The following ULK4 variants were observed in gnomAD, a reference collection of about 807,000 sequenced individuals.
ULK4 encodes unc-51 like kinase 4.
Under a neutral mutation model 160.6 loss-of-function variants are expected in ULK4, and 133 were observed. The ratio of observed to expected loss-of-function variants is 0.83; its 90% CI spans 0.72 to 0.96. The LOEUF (loss-of-function observed/expected upper bound fraction) is 0.96, where lower values mean the gene tolerates loss of function less well. Ranked by LOEUF, ULK4 falls within the 40% of genes least tolerant of loss-of-function variation. The probability of loss-of-function intolerance (pLI) is 0.00; values close to 1 mark genes in which losing one functional copy is unlikely to be tolerated. For synonymous variants in ULK4, 534 were observed against 539.8 expected, an observed-to-expected ratio of 0.99 and a Z score of 0.15; for missense variants, 1,580 against 1,499.5, an observed-to-expected ratio of 1.05 and a Z score of -0.89.
chr3:41,719,988 C>T (rs1314760902), intron 22 of ULK4, among the ~76,000 whole-genome samples: 1 of 152,134 alleles, frequency 6.6e-6, no homozygotes, highest in Non-Finnish European at 1.5e-5. Context: ...GCCTAGATGG[C>T]CCTTCTCTTC....
intron 35 of ULK4, among the ~76,000 whole-genome samples, chr3:41,344,755 A>C (rs2125754595): frequency 6.8e-6 from 1 of 147,532 alleles, no homozygotes; most frequent in Non-Finnish European, 1.5e-5. Flanking sequence ...TCTGTCTCAA[A>C]AAAAAAAAAA....
At position 41,883,917 on chromosome 3, in the gene ULK4, G is replaced by C; in HGVS notation, c.1613C>G (p.Ala538Gly). Reference protein sequence around the residue: ...AKVAHVIGLLASHTAELQENT... With the variant: ...AKVAHVIGLLGSHTAELQENT... The stretch of plus-strand genomic sequence containing the variant: ...TTCCTGGAGCTCAGCTGTGTGCGAA[G>C]CCAGTAAACCAATTACGTGAGCAAC... The change falls in exon 17 of 37, where the codon GCT becomes GGT. Residue 538 changes from alanine (A) to glycine (G), a missense_variant. By Grantham distance (60) the Ala-to-Gly change is moderately conservative. Transcript: ENST00000301831. The C allele has an allele frequency of 1.2e-6, 2 of 1,610,738 alleles. No homozygotes were observed. The highest frequency in any genetic ancestry group is 1.1e-5 in the South Asian group (1 of 90,980).
intron 31 of ULK4, among the ~76,000 whole-genome samples, chr3:41,599,181 G>C (rs1318465392): frequency 2.0e-5 from 3 of 152,290 alleles, no homozygotes; most frequent in Admixed American, 2.0e-4. Context: ...GTTTAGGTCA[G>C]CTGATTAGGA....
At chr3:41,768,817 T>C (rs904330708) in intron 21 of ULK4, among the ~76,000 whole-genome samples, 2 of 151,998 alleles carry the variant, frequency 1.3e-5, no homozygotes, top group African/African-American at 4.8e-5. Flanking sequence ...CACAAAAAAG[T>C]TTCACACAGC....
intron 34 of ULK4, among the ~76,000 whole-genome samples, chr3:41,410,934 G>A (rs1453069243): frequency 1.4e-5 from 2 of 147,128 alleles, no homozygotes; most frequent in Non-Finnish European, 3.0e-5. Context: ...CCATATTCCA[G>A]TATAACTTCA....
intron 35 of ULK4, among the ~76,000 whole-genome samples, chr3:41,294,370 A>G (rs890627273): frequency 1.3e-5 from 2 of 152,276 alleles, no homozygotes; most frequent in Non-Finnish European, 2.9e-5. Context: ...CCCACTCTAT[A>G]CAACTATGAT....
At chr3:41,630,217 A>G (rs2033687698) in intron 30 of ULK4, among the ~76,000 whole-genome samples, 1 of 152,228 alleles carries the variant, frequency 6.6e-6, no homozygotes, top group Non-Finnish European at 1.5e-5. Flanking sequence ...TAACCATATC[A>G]GGATACCACA....
intron 32 of ULK4, among the ~76,000 whole-genome samples, chr3:41,506,767 A>AAAAAAAAAAAAAAAAATATATAAATAT: frequency 3.5e-5 from 2 of 56,760 alleles, no homozygotes; most frequent in Non-Finnish European, 3.1e-5. Context: ...TGTGATTTAA[A>AAAAAAAAAAAAAAAAATATATAAATAT]ATATATATAT....
At chr3:41,717,932 C>T in intron 22 of ULK4, 71 bp from the exon 23 acceptor site, 2 of 1,535,200 alleles carry the variant, frequency 1.3e-6, no homozygotes, top group Non-Finnish European at 1.8e-6. Flanking sequence ...AAAAATGCCG[C>T]CAAGGCAAGT....
chr3:41,377,111 A>C (rs1336587870), intron 35 of ULK4, among the ~76,000 whole-genome samples: 1 of 152,206 alleles, frequency 6.6e-6, no homozygotes, highest in Non-Finnish European at 1.5e-5. Flanking sequence ...CCTGACAAAA[A>C]CAAGAAATTG....
chr3:41,489,308 T>A (rs1259017414), intron 32 of ULK4, among the ~76,000 whole-genome samples: 1 of 152,194 alleles, frequency 6.6e-6, no homozygotes, highest in Non-Finnish European at 1.5e-5. Flanking sequence ...CTGGCTTATT[T>A]CTCACTGCCC....
intron 22 of ULK4, among the ~76,000 whole-genome samples, chr3:41,728,281 C>G (rs2037716235): frequency 6.6e-6 from 1 of 152,140 alleles, no homozygotes; most frequent in East Asian, 1.9e-4. Flanking sequence ...ATTCTGATTT[C>G]TGTAGAAGTT....
At chr3:41,899,380 G>C (rs147499920) in intron 13 of ULK4, 1 of 152,136 alleles carries the variant, frequency 6.6e-6, no homozygotes, top group Non-Finnish European at 1.5e-5. Flanking sequence ...TTTTCTCTAA[G>C]ACTAAAAGTA....
chr3:41,770,843 A>G (rs926453147), intron 21 of ULK4, among the ~76,000 whole-genome samples: 1 of 152,168 alleles, frequency 6.6e-6, no homozygotes, highest in Admixed American at 6.5e-5. Context: ...ATAAGTAAAT[A>G]GGGTAAAGGA....
chr3:41,807,008 G>T (rs982233294), intron 19 of ULK4, among the ~76,000 whole-genome samples: 1 of 151,936 alleles, frequency 6.6e-6, no homozygotes, highest in African/African-American at 2.4e-5. Flanking sequence ...CACGCCTATA[G>T]TCCCTGCTAC....
intron 21 of ULK4, among the ~76,000 whole-genome samples, chr3:41,768,110 C>T (rs2039228368): frequency 1.3e-5 from 2 of 152,250 alleles, no homozygotes; most frequent in South Asian, 4.1e-4. Flanking sequence ...AGGTTGCACA[C>T]TCCTTATGAG....
chr3:41,563,244 C>A (rs1008590984), intron 32 of ULK4, among the ~76,000 whole-genome samples: 5 of 152,208 alleles, frequency 3.3e-5, no homozygotes, highest in African/African-American at 1.2e-4. Flanking sequence ...AGTCTTTGGG[C>A]TTACCTTTGT....
chr3:41,559,592 A>G (rs1405590380), intron 32 of ULK4, among the ~76,000 whole-genome samples: 1 of 151,654 alleles, frequency 6.6e-6, no homozygotes, highest in Non-Finnish European at 1.5e-5. Flanking sequence ...ATGGTATCTC[A>G]TTGTGGTTTT....
chr3:41,694,821 T>C (rs186890783), intron 27 of ULK4, among the ~76,000 whole-genome samples: 30 of 152,336 alleles, frequency 2.0e-4, no homozygotes, highest in African/African-American at 6.7e-4. Flanking sequence ...TTTTCAAATA[T>C]GTTTTATCTG....
Sources: gnomAD v4.1 joint callset for allele counts (sites outside exome capture counted in the v4.1 genomes callset) on GRCh38, gnomAD v4.1.1 for gene constraint, MANE v1.5 for transcripts, NCBI Gene and HGNC (gene_info 2026-07-23, HGNC 2026-07-21) for gene names.